Variants in ABRAXAS2 observed in about 807,000 individuals in gnomAD.
ABRAXAS2 encodes abraxas 2, BRISC complex subunit.
ABRAXAS2 carries 23 observed loss-of-function variants against 49.0 expected under a neutral mutation model. The observed-to-expected ratio is 0.47, with a 90% CI of 0.34 to 0.66. The LOEUF (loss-of-function observed/expected upper bound fraction) is 0.66. Ranked by LOEUF, ABRAXAS2 falls within the 30% of genes least tolerant of loss-of-function variation. ABRAXAS2 has a pLI of 0.01. For missense variants in ABRAXAS2, 443 were observed against 511.9 expected, an observed-to-expected ratio of 0.87 and a Z score of 1.30; for synonymous variants, 168 against 180.2, an observed-to-expected ratio of 0.93 and a Z score of 0.54.
intron 4 of ABRAXAS2, among the ~76,000 whole-genome samples, chr10:124,825,690 G>A (rs1195723647): frequency 2.0e-5 from 3 of 152,176 alleles, no homozygotes; most frequent in Non-Finnish European, 4.4e-5. Context: ...CTTAAAACAA[G>A]ATTTTAACTC....
At chr10:124,811,837 G>T (rs946021061) in intron 2 of ABRAXAS2, among the ~76,000 whole-genome samples, 1 of 152,096 alleles carries the variant, frequency 6.6e-6, no homozygotes, top group African/African-American at 2.4e-5. Flanking sequence ...ATGCAATGGC[G>T]CACAATCTTG....
chr10:124,807,584 C>G (rs548480413), intron 2 of ABRAXAS2, among the ~76,000 whole-genome samples: 1 of 151,824 alleles, frequency 6.6e-6, no homozygotes, highest in Non-Finnish European at 1.5e-5. Context: ...ACCCGGGAGG[C>G]GGAGGTTGCA....
chr10:124,822,715 C>T (rs1950869481), intron 4 of ABRAXAS2, among the ~76,000 whole-genome samples: 1 of 151,208 alleles, frequency 6.6e-6, no homozygotes, highest in Non-Finnish European at 1.5e-5. Flanking sequence ...TGGTTTGAAC[C>T]CGGGAGGTGG....
chr10:124,814,401 G>A (rs546270996), intron 2 of ABRAXAS2, among the ~76,000 whole-genome samples: 76 of 152,246 alleles, frequency 5.0e-4, no homozygotes, highest in African/African-American at 1.8e-3. Flanking sequence ...CCAGGCTAGA[G>A]TGCAATGGTG....
chr10:124,805,313 C>A, intron 1 of ABRAXAS2, among the ~76,000 whole-genome samples: 1 of 151,076 alleles, frequency 6.6e-6, no homozygotes, highest in African/African-American at 2.4e-5. Context: ...CGCAGTCCGG[C>A]CTGGGCGACA....
intron 8 of ABRAXAS2, 22 bp from the exon 9 acceptor site, chr10:124,834,479 GA>G: frequency 2.5e-6 from 4 of 1,589,630 alleles, no homozygotes; most frequent in Non-Finnish European, 3.4e-6. Flanking sequence ...GAAAGTGTTA[GA>G]ATATTCTTTG....
At chr10:124,805,926 A>G (rs1410691606) in intron 1 of ABRAXAS2, among the ~76,000 whole-genome samples, 1 of 152,186 alleles carries the variant, frequency 6.6e-6, no homozygotes, top group African/African-American at 2.4e-5. Context: ...GCAAGTACAC[A>G]AAGAGTAGGT....
chr10:124,831,030 A>G (rs1039262656), intron 7 of ABRAXAS2, among the ~76,000 whole-genome samples: 1 of 152,156 alleles, frequency 6.6e-6, no homozygotes, highest in African/African-American at 2.4e-5. Flanking sequence ...TCTTCTTTGT[A>G]TGCTAAACTG....
Position 124,831,402 on chromosome 10 carries a change from A to G in ABRAXAS2, c.717A>G (p.Ala239=), listed in dbSNP as rs768086145. 7 of 1,613,252 alleles carry G rather than the reference A, an allele frequency of 4.3e-6. No individual in the cohort carries two copies. The highest frequency in any genetic ancestry group is 5.1e-6 in the Non-Finnish European group (6 of 1,179,376). The change falls in exon 8 of 9, where the codon GCA becomes GCG. Residue 239 remains alanine (A), a synonymous_variant. Coordinates refer to ENST00000298492, the MANE Select transcript of ABRAXAS2 (RefSeq NM_032182.4). ...AGCGAGTTGTTGAATCTTGTCAGGC[A>G]GAAGTGAACAAATTAAGAAGACAAA... is the stretch of plus-strand genomic sequence containing the variant. ...KSERVVESCQ[A]EVNKLRRQIT...
chr10:124,830,243 G>A (rs924994689), intron 7 of ABRAXAS2, among the ~76,000 whole-genome samples: 3 of 152,102 alleles, frequency 2.0e-5, no homozygotes, highest in South Asian at 2.1e-4. Flanking sequence ...CAAGGAGTTC[G>A]AGATCAGCCT....
At chr10:124,802,211 G>T (rs1000985008) in intron 1 of ABRAXAS2, among the ~76,000 whole-genome samples, 8 of 151,766 alleles carry the variant, frequency 5.3e-5, no homozygotes, top group African/African-American at 1.9e-4. Flanking sequence ...GAAACCGAGC[G>T]CCTGCCCCTC....
intron 8 of ABRAXAS2, among the ~76,000 whole-genome samples, chr10:124,832,706 A>G (rs1040187593): frequency 3.3e-5 from 5 of 151,942 alleles, no homozygotes; most frequent in African/African-American, 4.8e-5. Flanking sequence ...TTAGCTGGTC[A>G]TGGTGGCGTG....
At chr10:124,819,529 A>G (rs894019670) in intron 4 of ABRAXAS2, 79 bp downstream of exon 4, 3 of 1,282,608 alleles carry the variant, frequency 2.3e-6, no homozygotes, top group Non-Finnish European at 2.3e-6. Flanking sequence ...AGGAATGTAA[A>G]ATGGAACAAT....
intron 6 of ABRAXAS2, 78 bp downstream of exon 6, chr10:124,828,953 G>A: frequency 1.3e-6 from 2 of 1,485,836 alleles, no homozygotes; most frequent in South Asian, 1.3e-5. Context: ...AAAGGTGTAT[G>A]GAAAAATGTA....
At position 124,834,799 on chromosome 10, in the gene ABRAXAS2, C is replaced by T. The variant is rs1249607453; in HGVS notation, c.1076C>T (p.Pro359Leu). 1 of 1,614,110 alleles carries T rather than the reference C, an allele frequency of 6.2e-7. No individual in the cohort carries two copies. The highest frequency in any genetic ancestry group is 1.7e-5 in the Admixed American group (1 of 60,010). Reference protein sequence around the residue: ...LKYPGSGADLPPPQRAAGDSG... With the variant: ...LKYPGSGADLLPPQRAAGDSG... ...TATCCTGGAAGTGGGGCTGACCTTCCTCCTCCCCAAAGAGCAGCTGGAGAC... is the reference window on the plus strand; with the variant it reads ...TATCCTGGAAGTGGGGCTGACCTTCTTCCTCCCCAAAGAGCAGCTGGAGAC... The change falls in exon 9 of 9, where the codon CCT (proline) becomes CTT (leucine). Residue 359 changes from proline (P) to leucine (L), a missense_variant. Transcript: ENST00000298492.
rs1950932610 is a variant in ABRAXAS2 at position 124,831,528 on chromosome 10, C to G, written c.778+65C>G. The G allele has an allele frequency of 3.5e-6, 3 of 854,056 alleles. No homozygotes were observed. The South Asian group carries it at 4.6e-5, about 13-fold the overall frequency. The allele number at this position is 854,056 out of a possible 1,614,324, so 52.9% of individuals were successfully genotyped here. On this transcript the variant is annotated intron_variant, in intron 8 of 8. Coordinates refer to ENST00000298492, the MANE Select transcript of ABRAXAS2 (RefSeq NM_032182.4). ...ATGTTGTTTTAAACATCAGATTATA[C>G]TATACAATAAATTATGTGCCTCTTT...
chr10:124,808,063 C>T (rs1950759580), intron 2 of ABRAXAS2, among the ~76,000 whole-genome samples: 1 of 152,172 alleles, frequency 6.6e-6, no homozygotes, highest in Non-Finnish European at 1.5e-5. Context: ...GGATCAGCCT[C>T]CTTTTGATAA....
At chr10:124,813,130 G>T (rs925425932) in intron 2 of ABRAXAS2, among the ~76,000 whole-genome samples, 1 of 152,192 alleles carries the variant, frequency 6.6e-6, no homozygotes, top group African/African-American at 2.4e-5. Flanking sequence ...GAATGTGGGA[G>T]GCGGAGGTTG....
At chr10:124,824,512 A>C (rs375087174) in intron 4 of ABRAXAS2, among the ~76,000 whole-genome samples, 47 of 150,374 alleles carry the variant, frequency 3.1e-4, no homozygotes, top group African/African-American at 1.1e-3. Flanking sequence ...TGGGCCACAG[A>C]GCAAGACTCC....
Sources: gnomAD v4.1 joint callset for allele counts (sites outside exome capture counted in the v4.1 genomes callset) on GRCh38, gnomAD v4.1.1 for gene constraint, MANE v1.5 for transcripts, NCBI Gene and HGNC (gene_info 2026-07-23, HGNC 2026-07-21) for gene names.